The following CACNG5 variants were observed in gnomAD, a reference collection of about 807,000 sequenced individuals.
CACNG5 encodes calcium voltage-gated channel auxiliary subunit gamma 5.
CACNG5 carries 18 observed loss-of-function variants against 24.8 expected under a neutral mutation model. That is an observed-to-expected ratio of 0.73 (90% confidence interval 0.50 to 1.08). The LOEUF is 1.08. CACNG5 is among the 50% of genes least tolerant of loss of function. The probability of loss-of-function intolerance (pLI) is 0.00; values close to 1 mark genes in which losing one functional copy is unlikely to be tolerated. For missense variants in CACNG5, 349 were observed against 367.9 expected (o/e 0.95, Z 0.42); for synonymous variants, 157 against 149.1 (o/e 1.05, Z -0.39).
rs1977285134 is a variant in CACNG5, at chr17:66,887,899, A to G, written c.*2659A>G. Among the ~76,000 whole-genome samples the G allele has an allele frequency of 6.6e-6, 1 of 152,186 alleles. No homozygotes were observed. Reference sequence around the variant, plus strand: ...CACCATCACAATTTCCTTTCTGTCTATAAATTCATCTCCGAATCAGGGCCT... The same window carrying G: ...CACCATCACAATTTCCTTTCTGTCTGTAAATTCATCTCCGAATCAGGGCCT... On this transcript the variant is annotated 3_prime_UTR_variant, in exon 6 of 6. Coordinates refer to ENST00000533854, the MANE Select transcript of CACNG5 (RefSeq NM_145811.3).
At chr17:66,842,279 TG>T (rs1598043443) in intron 1 of CACNG5, among the ~76,000 whole-genome samples, 1 of 152,196 alleles carries the variant, frequency 6.6e-6, no homozygotes, top group African/African-American at 2.4e-5. Context: ...TACCACCCAC[TG>T]CCCCAGGACC....
chr17:66,877,477 G>C lies in CACNG5; in HGVS notation c.145G>C (p.Glu49Gln). 6.2e-7 allele frequency: 1 copy of C among 1,614,020 alleles called. No individual in the cohort carries two copies. Among genetic ancestry groups the C allele is most frequent in the African/African-American group, 1.3e-5 (1 of 75,016 alleles). Residue 49 changes from glutamate to glutamine, a missense_variant, in exon 2 of 6, where the codon GAG becomes CAG. Physicochemically the swap from Glu to Gln is conservative, Grantham distance 29. Transcript: ENST00000533854. ...GVIVPQNQST[E>Q]IKMSLHSGLW... ...GATTGTGCCCCAGAACCAGAGCACC[G>C]AGATCAAGATGTCCCTGCACTCAGG...
At chr17:66,842,285 A>C (rs1976580862) in intron 1 of CACNG5, among the ~76,000 whole-genome samples, 1 of 152,216 alleles carries the variant, frequency 6.6e-6, no homozygotes, top group African/African-American at 2.4e-5. Flanking sequence ...CCACTGCCCC[A>C]GGACCTTAAC....
intron 1 of CACNG5, among the ~76,000 whole-genome samples, chr17:66,869,894 C>T (rs1976979132): frequency 6.6e-6 from 1 of 151,896 alleles, no homozygotes; most frequent in Admixed American, 6.6e-5. Context: ...CCATCCTGGC[C>T]AACATGGTGA....
rs1251979358 is a variant in CACNG5 at position 66,835,812 on chromosome 17, C to T, written c.-104+562C>T. Among the ~76,000 whole-genome samples the T allele has an allele frequency of 5.9e-5, 9 of 151,990 alleles. No homozygotes were observed. The South Asian group carries it at 6.2e-4, about 11-fold the overall frequency. The stretch of plus-strand genomic sequence containing the variant: ...AGGAGCCACTGAGCAGAGATGGACT[C>T]GCGGGGGTGATCAGGGTGGTGCTAT... On this transcript the variant is annotated intron_variant, in intron 1 of 5. Coordinates refer to ENST00000533854, the MANE Select transcript of CACNG5 (RefSeq NM_145811.3).
rs917637025 is a variant in CACNG5 at position 66,894,039 on chromosome 17, C to T, written c.*8799C>T. On this transcript the variant is annotated 3_prime_UTR_variant, in exon 6 of 6. Coordinates refer to ENST00000533854, the MANE Select transcript of CACNG5 (RefSeq NM_145811.3). ...GCCAGGCTAGAAATCCAAAGTCCAG[C>T]GGTGTAGGTGCCAGGGTTCTTGACA... Among the ~76,000 whole-genome samples, 7 of 152,234 alleles carry T rather than the reference C, an allele frequency of 4.6e-5. No individual in the cohort carries two copies. The highest frequency in any genetic ancestry group is 1.9e-4 in the East Asian group (1 of 5,180).
intron 1 of CACNG5, among the ~76,000 whole-genome samples, 183 bp downstream of exon 1, chr17:66,835,433 C>T (rs116410214): frequency 6.6e-6 from 1 of 152,070 alleles, no homozygotes; most frequent in Non-Finnish European, 1.5e-5. Context: ...GTGGGGAGCG[C>T]GGGCGTGTGT....
Position 66,890,247 on chromosome 17 carries a change from G to A in CACNG5, c.*5007G>A, listed in dbSNP as rs917611. Among the ~76,000 whole-genome samples the A allele has an allele frequency of 0.28, 41,804 of 147,228 alleles. 6,754 individuals carry two copies. Among genetic ancestry groups the A allele is most frequent in the African/African-American group, 0.46 (18,889 of 41,238 alleles). Reference sequence around the variant, plus strand: ...ATCCATGGTAGCAGTGGCTGCTCCAGTGTGCCATAGAAGAGACGAGGCTCA... The same window carrying A: ...ATCCATGGTAGCAGTGGCTGCTCCAATGTGCCATAGAAGAGACGAGGCTCA... On this transcript the variant is annotated 3_prime_UTR_variant, in exon 6 of 6. Coordinates refer to ENST00000533854, the MANE Select transcript of CACNG5 (RefSeq NM_145811.3).
intron 2 of CACNG5, among the ~76,000 whole-genome samples, chr17:66,878,449 G>A (rs1349986830): frequency 6.6e-6 from 1 of 152,224 alleles, no homozygotes; most frequent in Non-Finnish European, 1.5e-5. Flanking sequence ...ACACCTCAAG[G>A]TGTTGAGTCT....
intron 1 of CACNG5, among the ~76,000 whole-genome samples, chr17:66,875,788 T>A (rs184328629): frequency 5.9e-5 from 9 of 152,320 alleles, no homozygotes; most frequent in Admixed American, 5.2e-4. Flanking sequence ...TTTGCAATAT[T>A]GCAAGGTGCC....
chr17:66,866,040 T>C (rs547673626), intron 1 of CACNG5, among the ~76,000 whole-genome samples: 1 of 152,302 alleles, frequency 6.6e-6, no homozygotes, highest in Non-Finnish European at 1.5e-5. Flanking sequence ...AGAAAATTCT[T>C]GCAGATGCCC....
intron 1 of CACNG5, among the ~76,000 whole-genome samples, chr17:66,854,205 G>A (rs1303372609): frequency 6.6e-6 from 1 of 152,148 alleles, no homozygotes; most frequent in African/African-American, 2.4e-5. Flanking sequence ...CGAGGCGGGT[G>A]GATCACAAGG....
Position 66,882,638 on chromosome 17 carries a change from G to T in CACNG5, c.425-1878G>T, listed in dbSNP as rs1036355764. 2.0e-5 allele frequency among the ~76,000 whole-genome samples: 3 copies of T among 152,084 alleles called. No homozygotes were observed. The South Asian group carries it at 6.2e-4, about 32-fold the overall frequency. On this transcript the variant is annotated intron_variant, in intron 4 of 5. Coordinates refer to ENST00000533854, the MANE Select transcript of CACNG5 (RefSeq NM_145811.3). ...ACTTGGGCCAAAGGAGTGGCTCTCG[G>T]GGCATGTAATTTAGGTGCCCCGGAT...
chr17:66,875,522 C>T (rs1227796714), intron 1 of CACNG5, among the ~76,000 whole-genome samples: 4 of 152,164 alleles, frequency 2.6e-5, no homozygotes, highest in Non-Finnish European at 5.9e-5. Context: ...ACCCCTCAAC[C>T]CCTTCTCACA....
intron 1 of CACNG5, among the ~76,000 whole-genome samples, chr17:66,836,429 G>C (rs1022055653): frequency 6.6e-6 from 1 of 152,208 alleles, no homozygotes; most frequent in African/African-American, 2.4e-5. Flanking sequence ...GCCTGGGTGT[G>C]GGTGTGGGAC....
chr17:66,872,200 A>C (rs1218496729), intron 1 of CACNG5, among the ~76,000 whole-genome samples: 1 of 152,224 alleles, frequency 6.6e-6, no homozygotes, highest in East Asian at 1.9e-4. Flanking sequence ...GGTTGAGTTT[A>C]AGTTAAAAGT....
chr17:66,890,197 C>T lies in CACNG5; in HGVS notation c.*4957C>T, dbSNP rs547877177. On this transcript the variant is annotated 3_prime_UTR_variant, in exon 6 of 6. Transcript: ENST00000533854. ...GTCTAATGCACCTGTGCCTGAGGCCCGGCTAGCACTGTGAGTGTGGGTTCA... is the reference window on the plus strand; with the variant it reads ...GTCTAATGCACCTGTGCCTGAGGCCTGGCTAGCACTGTGAGTGTGGGTTCA... Among the ~76,000 whole-genome samples the T allele has an allele frequency of 1.2e-4, 18 of 152,182 alleles. No individual in the cohort carries two copies. The highest frequency in any genetic ancestry group is 2.2e-4 in the Non-Finnish European group (15 of 68,016).
At chr17:66,838,184 G>A (rs1976509523) in intron 1 of CACNG5, among the ~76,000 whole-genome samples, 1 of 151,896 alleles carries the variant, frequency 6.6e-6, no homozygotes, top group Admixed American at 6.6e-5. Flanking sequence ...AAATGACAGA[G>A]TATACCCTGC....
At chr17:66,837,451 G>A (rs1183735888) in intron 1 of CACNG5, among the ~76,000 whole-genome samples, 2 of 152,218 alleles carry the variant, frequency 1.3e-5, no homozygotes, top group Non-Finnish European at 2.9e-5. Context: ...ACAGCCTTCT[G>A]GCTCACTGAC....
Sources: gnomAD v4.1 joint callset for allele counts (sites outside exome capture counted in the v4.1 genomes callset) on GRCh38, gnomAD v4.1.1 for gene constraint, MANE v1.5 for transcripts, NCBI Gene and HGNC (gene_info 2026-07-23, HGNC 2026-07-21) for gene names.